UGP2: variants seen among roughly 807,000 people sequenced by gnomAD.
UGP2 encodes the protein UDP-glucose pyrophosphorylase 2.
A neutral mutation model predicts 49.0 loss-of-function variants in UGP2; 40 were observed. That is an observed-to-expected ratio of 0.82 (90% confidence interval 0.63 to 1.06). UGP2 has a LOEUF of 1.06. Among genes scored for constraint, UGP2 ranks in the 50% least tolerant of loss-of-function variants. The pLI, the probability that UGP2 is intolerant of heterozygous loss-of-function variation, is 0.00. For missense variants in UGP2, 460 were observed against 603.5 expected (o/e 0.76, Z 2.49); for synonymous variants, 225 against 213.0 (o/e 1.06, Z -0.49).
At chr2:63,851,369 G>T (rs746576585) in intron 1 of UGP2, among the ~76,000 whole-genome samples, 5 of 152,166 alleles carry the variant, frequency 3.3e-5, no homozygotes, top group Non-Finnish European at 4.4e-5. Context: ...TTGGGGTTTT[G>T]AGGGGTGTTT....
chr2:63,856,138 G>GA (rs1377444131), intron 1 of UGP2, 168 bp from the exon 2 acceptor site: 3 of 715,300 alleles, frequency 4.2e-6, no homozygotes, highest in Admixed American at 3.3e-5. Context: ...AAACTGGAGT[G>GA]AAACGAGTCC....
At chr2:63,854,498 G>T (rs185306690) in intron 1 of UGP2, among the ~76,000 whole-genome samples, 5 of 152,320 alleles carry the variant, frequency 3.3e-5, no homozygotes, top group South Asian at 2.1e-4. Flanking sequence ...AGAAATTTCA[G>T]ACCTTTCTTA....
intron 3 of UGP2, among the ~76,000 whole-genome samples, chr2:63,867,893 C>T (rs898008257): frequency 6.6e-6 from 1 of 152,148 alleles, no homozygotes; most frequent in Non-Finnish European, 1.5e-5. Context: ...CAAAGATACA[C>T]TTTAGCTAAT....
chr2:63,874,095 G>T, intron 3 of UGP2, among the ~76,000 whole-genome samples: 1 of 152,172 alleles, frequency 6.6e-6, no homozygotes, highest in East Asian at 1.9e-4. Context: ...GGCACAAATA[G>T]CTGCAAGGGA....
At chr2:63,879,209 AAATATTTGTT>A (rs1268088936) in intron 3 of UGP2, among the ~76,000 whole-genome samples, 4 of 152,144 alleles carry the variant, frequency 2.6e-5, no homozygotes, top group Non-Finnish European at 5.9e-5. Flanking sequence ...AAATTTGTAT[AAATATTTGTT>A]CCCTCAAAAA....
intron 3 of UGP2, among the ~76,000 whole-genome samples, chr2:63,874,025 A>G (rs780803167): frequency 2.0e-5 from 3 of 152,196 alleles, no homozygotes; most frequent in Non-Finnish European, 2.9e-5. Flanking sequence ...CTGCCCTTTC[A>G]CAGAGACTTC....
At chr2:63,860,594 T>C in intron 3 of UGP2, among the ~76,000 whole-genome samples, 1 of 152,118 alleles carries the variant, frequency 6.6e-6, no homozygotes, top group South Asian at 2.1e-4. Context: ...TTTTTATCTT[T>C]ATTTTTTATT....
intron 3 of UGP2, among the ~76,000 whole-genome samples, chr2:63,876,587 A>G (rs1558954366): frequency 6.6e-6 from 1 of 152,254 alleles, no homozygotes; most frequent in East Asian, 1.9e-4. Flanking sequence ...TTTAAGGGTT[A>G]GATATAGCAA....
At chr2:63,850,916 A>G (rs1669002671) in intron 1 of UGP2, among the ~76,000 whole-genome samples, 1 of 152,174 alleles carries the variant, frequency 6.6e-6, no homozygotes, top group South Asian at 2.1e-4. Context: ...TAAATGTTAC[A>G]TGAGTATCTA....
At chr2:63,882,083 A>G (rs775429825) in intron 3 of UGP2, among the ~76,000 whole-genome samples, 1 of 152,246 alleles carries the variant, frequency 6.6e-6, no homozygotes, top group Non-Finnish European at 1.5e-5. Flanking sequence ...TACAACAGAA[A>G]TATTTAGACT....
intron 1 of UGP2, among the ~76,000 whole-genome samples, chr2:63,844,977 C>T (rs1424692615): frequency 6.6e-6 from 1 of 152,156 alleles, no homozygotes; most frequent in Admixed American, 6.5e-5. Flanking sequence ...TGTCAGTTCC[C>T]ATTGGGCAAA....
upstream of UGP2, chr2:63,841,346 G>A (rs1671520132): frequency 6.6e-6 from 1 of 151,498 alleles, no homozygotes; most frequent in Admixed American, 6.6e-5. Context: ...GCGGAATTTG[G>A]GCTTCTGAGG....
intron 3 of UGP2, among the ~76,000 whole-genome samples, chr2:63,858,756 G>C (rs1357985050): frequency 6.6e-6 from 1 of 151,934 alleles, no homozygotes; most frequent in Non-Finnish European, 1.5e-5. Flanking sequence ...CCAAGAAAGA[G>C]TTAGAATTCT....
chr2:63,865,949 A>G (rs1670158230), intron 3 of UGP2, among the ~76,000 whole-genome samples: 1 of 152,204 alleles, frequency 6.6e-6, no homozygotes, highest in Admixed American at 6.5e-5. Context: ...GGTTATAATG[A>G]CATAATATAA....
At chr2:63,879,883 C>T (rs967899505) in intron 3 of UGP2, among the ~76,000 whole-genome samples, 2 of 151,982 alleles carry the variant, frequency 1.3e-5, no homozygotes, top group Non-Finnish European at 2.9e-5. Flanking sequence ...GTAAGACTGT[C>T]TCTGAACTAA....
chr2:63,889,817 T>TAAA (rs35619911), intron 8 of UGP2: 7,330 of 237,582 alleles, frequency 0.031, 116 homozygotes, highest in Non-Finnish European at 0.042. Context: ...TGATTATCTT[T>TAAA]AAAAAAAAAA....
chr2:63,889,828 A>AAT, intron 8 of UGP2: 1 of 310,718 alleles, frequency 3.2e-6, no homozygotes, highest in Non-Finnish European at 5.8e-6. Context: ...AAAAAAAAAA[A>AAT]GAAAAAAAAC....
At chr2:63,889,133 A>G (rs765360050) in intron 8 of UGP2, 1 of 152,200 alleles carries the variant, frequency 6.6e-6, no homozygotes, top group Non-Finnish European at 1.5e-5. Flanking sequence ...TAAGATGAGA[A>G]TTAGATTTAT....
chr2:63,890,306 A>AG (rs201342142), intron 9 of UGP2, 121 bp downstream of exon 9: 135,640 of 649,518 alleles, frequency 0.21, 16,615 homozygotes, highest in Non-Finnish European at 0.24. Flanking sequence ...CTTAATTACT[A>AG]GTGTAATTAT....
Sources: gnomAD v4.1 joint callset for allele counts (sites outside exome capture counted in the v4.1 genomes callset) on GRCh38, gnomAD v4.1.1 for gene constraint, MANE v1.5 for transcripts, NCBI Gene and HGNC (gene_info 2026-07-23, HGNC 2026-07-21) for gene names.